Variants in ENOX1 observed in about 807,000 individuals in gnomAD.
ENOX1 encodes the protein ecto-NOX disulfide-thiol exchanger 1.
In ENOX1, 42 loss-of-function variants were observed where a neutral mutation model predicts 82.5. That is an observed-to-expected ratio of 0.51 (90% CI 0.40 to 0.66). The LOEUF (loss-of-function observed/expected upper bound fraction) is 0.66, where lower values mean the gene tolerates loss of function less well. ENOX1 is among the 30% of genes least tolerant of loss of function. The pLI is 0.00. For missense variants in ENOX1, 608 were observed against 811.6 expected, an observed-to-expected ratio of 0.75 and a Z score of 3.05; for synonymous variants, 271 against 282.2, an observed-to-expected ratio of 0.96 and a Z score of 0.40.
chr13:43,682,476 CTA>C (rs1052709772), intron 1 of ENOX1, among the ~76,000 whole-genome samples: 1 of 152,170 alleles, frequency 6.6e-6, no homozygotes, highest in Non-Finnish European at 1.5e-5. Context: ...ACTACTACTA[CTA>C]TGTGTTTTGT....
intron 5 of ENOX1, among the ~76,000 whole-genome samples, chr13:43,407,791 G>A (rs146284926): frequency 1.3e-5 from 2 of 151,940 alleles, no homozygotes; most frequent in East Asian, 1.9e-4. Flanking sequence ...AGTGGAACAC[G>A]AATGTTCCAA....
chr13:43,429,211 T>C (rs1168255638), intron 3 of ENOX1, among the ~76,000 whole-genome samples: 1 of 152,150 alleles, frequency 6.6e-6, no homozygotes, highest in Non-Finnish European at 1.5e-5. Context: ...GGCTAACGTA[T>C]AATGCCTTTT....
At chr13:43,317,732 G>A (rs944399331) in intron 11 of ENOX1, among the ~76,000 whole-genome samples, 17 of 151,848 alleles carry the variant, frequency 1.1e-4, no homozygotes, top group South Asian at 8.3e-4. Flanking sequence ...CGGGCCAGGC[G>A]TGGTGGCTCA....
chr13:43,337,708 T>G (rs539645182), intron 9 of ENOX1, among the ~76,000 whole-genome samples: 1 of 152,186 alleles, frequency 6.6e-6, no homozygotes, highest in South Asian at 2.1e-4. Context: ...AGCTGTACCT[T>G]TACATTTATA....
intron 2 of ENOX1, among the ~76,000 whole-genome samples, chr13:43,563,766 CACAT>C (rs1378722193): frequency 6.6e-6 from 1 of 152,038 alleles, no homozygotes; most frequent in Non-Finnish European, 1.5e-5. Flanking sequence ...TGGATAAAGA[CACAT>C]ACAGTCTACC....
At chr13:43,552,624 C>T (rs1366580333) in intron 2 of ENOX1, among the ~76,000 whole-genome samples, 1 of 152,076 alleles carries the variant, frequency 6.6e-6, no homozygotes, top group African/African-American at 2.4e-5. Flanking sequence ...TTGCTGCTGC[C>T]TACATGGTAG....
Position 43,340,329 on chromosome 13 carries a change from C to A in ENOX1, c.1036+4209G>T, listed in dbSNP as rs545630008. 6.3e-4 allele frequency among the ~76,000 whole-genome samples: 96 copies of A among 152,348 alleles called. 1 individual carries two copies. In the Middle Eastern group the frequency reaches 0.01, roughly 16 times the overall value. The stretch of plus-strand genomic sequence containing the variant: ...AAGGTATCCCCCATCTTCGAGTCAT[C>A]CTGAAAGATCTTGGCTGTCAAAGAC... On this transcript the variant is annotated intron_variant, in intron 9 of 16. Coordinates refer to ENST00000690772, the MANE Select transcript of ENOX1 (RefSeq NM_001347969.2).
chr13:43,389,267 T>C (rs1427799353), intron 5 of ENOX1, among the ~76,000 whole-genome samples: 1 of 152,148 alleles, frequency 6.6e-6, no homozygotes, highest in Non-Finnish European at 1.5e-5. Context: ...AGATACTAAC[T>C]GCAGAGTTAT....
At chr13:43,511,729 A>G (rs997357819) in intron 2 of ENOX1, among the ~76,000 whole-genome samples, 14 of 152,154 alleles carry the variant, frequency 9.2e-5, no homozygotes, top group African/African-American at 2.4e-4. Flanking sequence ...GCTTTGGGAA[A>G]TGTTAGACCA....
In ENOX1 at chr13:43,754,763, T is replaced by G. The variant is rs551655279; in HGVS notation, c.-285+31889A>C. Among the ~76,000 whole-genome samples, 34 of 152,186 alleles carry G rather than the reference T, an allele frequency of 2.2e-4. 1 individual carries two copies. Among genetic ancestry groups the G allele is most frequent in the African/African-American group, 8.2e-4 (34 of 41,520 alleles). On this transcript the variant is annotated intron_variant, in intron 1 of 16. Transcript: ENST00000690772. ...CCACACCCAGCTAATTTTTTAATTT[T>G]TTGTCACTATGTTGCCGAGTCTAGT... is the stretch of plus-strand genomic sequence containing the variant.
intron 1 of ENOX1, among the ~76,000 whole-genome samples, chr13:43,715,612 C>A (rs562039275): frequency 6.6e-6 from 1 of 151,734 alleles, no homozygotes; most frequent in Non-Finnish European, 1.5e-5. Context: ...ACCAATCAGA[C>A]GTAGATTTGG....
intron 2 of ENOX1, among the ~76,000 whole-genome samples, chr13:43,621,353 G>A (rs1007652831): frequency 5.3e-5 from 8 of 152,092 alleles, no homozygotes; most frequent in African/African-American, 1.9e-4. Context: ...GGTCCTGTGT[G>A]ATTTATGCTT....
intron 2 of ENOX1, among the ~76,000 whole-genome samples, chr13:43,637,307 C>G (rs1196064285): frequency 6.6e-6 from 1 of 152,108 alleles, no homozygotes; most frequent in Non-Finnish European, 1.5e-5. Context: ...TTTTATTAAT[C>G]TATTAAGACT....
At chr13:43,457,035 A>G (rs1189919662) in intron 3 of ENOX1, among the ~76,000 whole-genome samples, 1 of 152,078 alleles carries the variant, frequency 6.6e-6, no homozygotes, top group Non-Finnish European at 1.5e-5. Context: ...AAAATTCTTT[A>G]CTAATTTCAG....
intron 2 of ENOX1, among the ~76,000 whole-genome samples, chr13:43,652,587 C>A (rs2084244869): frequency 6.6e-6 from 1 of 152,130 alleles, no homozygotes; most frequent in Admixed American, 6.5e-5. Context: ...GTGACTAAGT[C>A]ATGAAAGATG....
chr13:43,230,671 G>A lies in ENOX1; in HGVS notation c.1714+5965C>T, dbSNP rs149438560. The stretch of plus-strand genomic sequence containing the variant: ...ATAAGTGATTTGCCTTAGATTACCC[G>A]GTGGATGAAATGCCTCAATCCACAA... On this transcript the variant is annotated intron_variant, in intron 15 of 16. Transcript: ENST00000690772. Among the ~76,000 whole-genome samples, 72 of 152,124 alleles carry A rather than the reference G, an allele frequency of 4.7e-4. 1 individual carries two copies. Among genetic ancestry groups the A allele is most frequent in the African/African-American group, 1.6e-3 (66 of 41,482 alleles).
intron 2 of ENOX1, among the ~76,000 whole-genome samples, chr13:43,616,138 C>CTATCTATA (rs1364614503): frequency 2.8e-4 from 6 of 21,646 alleles, no homozygotes; most frequent in African/African-American, 4.9e-4. Context: ...ATCTATCTAT[C>CTATCTATA]TAGATATCTA....
chr13:43,450,367 C>G (rs2056894972), intron 3 of ENOX1, among the ~76,000 whole-genome samples: 1 of 152,054 alleles, frequency 6.6e-6, no homozygotes, highest in Non-Finnish European at 1.5e-5. Flanking sequence ...GAAAATGTAC[C>G]TGGGGTTTTG....
intron 2 of ENOX1, among the ~76,000 whole-genome samples, chr13:43,585,475 C>A (rs895120237): frequency 1.3e-5 from 2 of 152,252 alleles, no homozygotes; most frequent in African/African-American, 4.8e-5. Flanking sequence ...TATAGCACCA[C>A]CTCAAAGCAT....
Sources: gnomAD v4.1 joint callset for allele counts (sites outside exome capture counted in the v4.1 genomes callset) on GRCh38, gnomAD v4.1.1 for gene constraint, MANE v1.5 for transcripts, NCBI Gene and HGNC (gene_info 2026-07-23, HGNC 2026-07-21) for gene names.